WDR3: variants seen among roughly 807,000 people sequenced by gnomAD.
WDR3 encodes WD repeat-containing protein 3.
In WDR3, 81 loss-of-function variants were observed where a neutral mutation model predicts 123.7. The ratio of observed to expected loss-of-function variants is 0.65; its 90% CI spans 0.55 to 0.79. The LOEUF (loss-of-function observed/expected upper bound fraction) is 0.79. WDR3 is among the 30% of genes least tolerant of loss of function. WDR3 has a pLI of 0.00. For synonymous variants in WDR3, 390 were observed against 388.8 expected, an observed-to-expected ratio of 1.00 and a Z score of -0.04; for missense variants, 1,027 against 1,123.2, an observed-to-expected ratio of 0.91 and a Z score of 1.22.
At chr1:117,956,723 G>A (rs965721607) in intron 24 of WDR3, among the ~76,000 whole-genome samples, 1 of 152,050 alleles carries the variant, frequency 6.6e-6, no homozygotes, top group African/African-American at 2.4e-5. Flanking sequence ...ATCATGTCAG[G>A]ATCAGTCATC....
intron 14 of WDR3, 77 bp from the exon 15 acceptor site, chr1:117,949,915 TTTG>T: frequency 6.2e-7 from 1 of 1,610,220 alleles, no homozygotes; most frequent in African/African-American, 1.3e-5. Flanking sequence ...TCTTATATCA[TTTG>T]TTGTGCTCTA....
In WDR3 at chr1:117,961,936, C is replaced by T. The variant is rs1335889665; in HGVS notation, c.*2489C>T. The T allele has an allele frequency of 6.6e-6, 1 of 151,842 alleles. No homozygotes were observed. The highest frequency in any genetic ancestry group is 1.5e-5 in the Non-Finnish European group (1 of 67,972). 9.4% of individuals were successfully genotyped at this position (151,842 alleles called of 1,614,324 possible). A position where few individuals can be genotyped will look rare whatever the true frequency, so the allele number is the denominator to read the frequency against. ...AAAAAAATTTAATTTTTTATGAGAA[C>T]AGAAGTTGATTCAATATCCTTCTTA... On this transcript the variant is annotated 3_prime_UTR_variant, in exon 27 of 27. Transcript: ENST00000349139.
At position 117,965,458 on chromosome 1, in the gene WDR3, C is replaced by T; in HGVS notation, c.*6011C>T. On this transcript the variant is annotated 3_prime_UTR_variant, in exon 27 of 27. Coordinates refer to ENST00000349139, the MANE Select transcript of WDR3 (RefSeq NM_006784.3). ...CAGTTGAGATCTAATATTACATATA[C>T]ATGATTCATTACCTCAGCCCAAAAC... 1 of 152,204 alleles carries T rather than the reference C, an allele frequency of 6.6e-6. No individual in the cohort carries two copies. Among genetic ancestry groups the T allele is most frequent in the Admixed American group, 6.5e-5 (1 of 15,280 alleles). The allele number at this position is 152,204 out of a possible 1,614,324, so 9.4% of individuals were successfully genotyped here.
At chr1:117,937,745 T>C (rs115598478) in intron 4 of WDR3, among the ~76,000 whole-genome samples, 93 of 152,170 alleles carry the variant, frequency 6.1e-4, no homozygotes, top group African/African-American at 2.1e-3. Flanking sequence ...TTATATTAGA[T>C]TTATGTAGTG....
chr1:117,947,873 T>A (rs116092961), intron 12 of WDR3, among the ~76,000 whole-genome samples: 1,697 of 152,280 alleles, frequency 0.011, 28 homozygotes, highest in African/African-American at 0.039. Flanking sequence ...GTGATTGCTT[T>A]CTATGCCATT....
intron 21 of WDR3, 78 bp from the exon 22 acceptor site, chr1:117,953,928 TG>T: frequency 8.2e-7 from 1 of 1,221,546 alleles, no homozygotes; most frequent in South Asian, 1.4e-5. Flanking sequence ...GGCAAATTTC[TG>T]GTCAGTTCTT....
Position 117,939,579 on chromosome 1 carries a change from ACTT to A in WDR3, c.675+11_675+13del, listed in dbSNP as rs781560301. The stretch of plus-strand genomic sequence containing the variant: ...CATAGCTTATCTGCAAGAGGTAATT[ACTT>A]CTTAAAATCATGGGCAATATGTTTA... On this transcript the variant is annotated splice_region_variant and intron_variant, in intron 6 of 26. Coordinates refer to ENST00000349139, the MANE Select transcript of WDR3 (RefSeq NM_006784.3). 6 of 1,612,952 alleles carry A rather than the reference ACTT, an allele frequency of 3.7e-6. No individual in the cohort carries two copies. In the East Asian group the frequency reaches 1.1e-4, roughly 30 times the overall value.
rs567228150 is a variant in WDR3, at chr1:117,960,615, G to A, written c.*1168G>A. On this transcript the variant is annotated 3_prime_UTR_variant, in exon 27 of 27. Transcript: ENST00000349139. ...GGCGATGAGTTGTTCATGCACAGGT[G>A]ATTAGTGTCACAGCATTTTAAGTGC... 3 of 152,328 alleles carry A rather than the reference G, an allele frequency of 2.0e-5. No homozygotes were observed. In the East Asian group the frequency reaches 5.8e-4, roughly 29 times the overall value. The allele number at this position is 152,328 out of a possible 1,614,324, so 9.4% of individuals were successfully genotyped here. A position where few individuals can be genotyped will look rare whatever the true frequency, so the allele number is the denominator to read the frequency against.
intron 25 of WDR3, among the ~76,000 whole-genome samples, chr1:117,957,518 G>A (rs1223608138): frequency 6.6e-6 from 1 of 152,182 alleles, no homozygotes; most frequent in Non-Finnish European, 1.5e-5. Context: ...GATAGCTCTG[G>A]TTCTAGTCAG....
At chr1:117,957,032 A>G (rs1401841601) in intron 24 of WDR3, 36 bp from the exon 25 acceptor site, 1 of 1,527,856 alleles carries the variant, frequency 6.5e-7, no homozygotes, top group Non-Finnish European at 8.8e-7. Flanking sequence ...AACGTTAACA[A>G]ATGTGGCATT....
At chr1:117,931,498 G>A (rs1267880096) in intron 1 of WDR3, among the ~76,000 whole-genome samples, 1 of 152,212 alleles carries the variant, frequency 6.6e-6, no homozygotes, top group South Asian at 2.1e-4. Flanking sequence ...CCAGAAGTAA[G>A]GTAGGCTTGG....
intron 13 of WDR3, among the ~76,000 whole-genome samples, chr1:117,949,421 T>C (rs1160729480): frequency 6.6e-6 from 1 of 152,218 alleles, no homozygotes; most frequent in African/African-American, 2.4e-5. Flanking sequence ...GTGAATACTT[T>C]AAACAAATCT....
intron 3 of WDR3, among the ~76,000 whole-genome samples, chr1:117,934,920 A>G (rs1039424042): frequency 7.9e-5 from 12 of 152,252 alleles, no homozygotes; most frequent in African/African-American, 2.7e-4. Context: ...GAAGAGAGCC[A>G]TGATAACTCT....
chr1:117,958,303 A>C (rs1488813988), intron 25 of WDR3, among the ~76,000 whole-genome samples: 1 of 152,208 alleles, frequency 6.6e-6, no homozygotes, highest in African/African-American at 2.4e-5. Context: ...ATTTGGGGCA[A>C]CTTGTAAAGA....
chr1:117,952,458 G>A lies in WDR3; in HGVS notation c.2016+50G>A, dbSNP rs1443908342. On this transcript the variant is annotated intron_variant, in intron 18 of 26. Coordinates refer to ENST00000349139, the MANE Select transcript of WDR3 (RefSeq NM_006784.3). The stretch of plus-strand genomic sequence containing the variant: ...CTTGGTACTTAAGAAATACTTTTAA[G>A]AATATTTACATTACCCACTAAGTAG... 4 of 1,599,126 alleles carry A rather than the reference G, an allele frequency of 2.5e-6. No homozygotes were observed. In the African/African-American group the frequency reaches 5.4e-5, roughly 22 times the overall value.
chr1:117,939,654 G>A, intron 6 of WDR3, 82 bp downstream of exon 6: 1 of 1,339,624 alleles, frequency 7.5e-7, no homozygotes, highest in East Asian at 2.3e-5. Flanking sequence ...TAATTATTCA[G>A]TACTTCACAT....
At chr1:117,948,307 G>T in intron 12 of WDR3, 98 bp from the exon 13 acceptor site, 1 of 947,580 alleles carries the variant, frequency 1.1e-6, no homozygotes, top group Non-Finnish European at 1.6e-6. Flanking sequence ...TCACATTTTT[G>T]CAGCTTGGTT....
rs554279241 is a variant in WDR3, at chr1:117,940,258, A to T, written c.676-569A>T. 5.8e-4 allele frequency among the ~76,000 whole-genome samples: 88 copies of T among 152,310 alleles called. 1 individual carries two copies. The highest frequency in any genetic ancestry group is 2.0e-3 in the African/African-American group (82 of 41,566). ...GTCACTAAACAGTAGTCCTTATGCT[A>T]TAGAAAGTTTTTGGAGATAGTATAA... On this transcript the variant is annotated intron_variant, in intron 6 of 26. Transcript: ENST00000349139.
chr1:117,949,995 A>G lies in WDR3; in HGVS notation c.1611A>G (p.Arg537=), dbSNP rs1557822375. 6.2e-7 allele frequency: 1 copy of G among 1,613,764 alleles called. No homozygotes were observed. Among genetic ancestry groups the G allele is most frequent in the Non-Finnish European group, 8.5e-7 (1 of 1,179,884 alleles). The change falls in exon 15 of 27, where the codon AGA becomes AGG. Residue 537 remains arginine, a splice_region_variant and synonymous_variant. Coordinates refer to ENST00000349139, the MANE Select transcript of WDR3 (RefSeq NM_006784.3). ...TTCTTGATGTTTTTTGTGGTGCTAG[A>G]CTTTCTGTGAAGCAAACCCGAACTT... ...LVKDENSTQK[R]LSVKQTRTLQ... is the part of the protein sequence containing the mutation.
Sources: gnomAD v4.1 joint callset for allele counts (sites outside exome capture counted in the v4.1 genomes callset) on GRCh38, gnomAD v4.1.1 for gene constraint, MANE v1.5 for transcripts, NCBI Gene and HGNC (gene_info 2026-07-23, HGNC 2026-07-21) for gene names.